Variants in CNTLN observed in about 807,000 individuals in gnomAD.
The protein encoded by CNTLN is centlein, centrosomal protein.
Under a neutral mutation model 180.0 loss-of-function variants are expected in CNTLN, and 212 were observed. The ratio of observed to expected loss-of-function variants is 1.18; its 90% CI spans 1.05 to 1.32. The LOEUF is 1.32. CNTLN is among the 40% of genes most tolerant of loss of function. CNTLN has a pLI of 0.00. For missense variants in CNTLN, 2,095 were observed against 1,610.9 expected (o/e 1.30, Z -5.14); for synonymous variants, 722 against 563.1 (o/e 1.28, Z -3.99).
chr9:17,315,113 C>T (rs1819454742), intron 8 of CNTLN, among the ~76,000 whole-genome samples: 1 of 152,122 alleles, frequency 6.6e-6, no homozygotes, highest in Admixed American at 6.5e-5. Context: ...GTATTTCCCA[C>T]TAGGATCTTT....
At chr9:17,422,277 A>T (rs1828776176) in intron 18 of CNTLN, among the ~76,000 whole-genome samples, 2 of 151,424 alleles carry the variant, frequency 1.3e-5, no homozygotes, top group Admixed American at 1.3e-4. Flanking sequence ...TTTATACGTT[A>T]TTTATTTTCT....
intron 2 of CNTLN, among the ~76,000 whole-genome samples, chr9:17,222,039 C>T (rs983865898): frequency 1.3e-5 from 2 of 152,020 alleles, no homozygotes; most frequent in African/African-American, 2.4e-5. Context: ...TCTTTTCTGT[C>T]CTGCATTATC....
chr9:17,284,208 A>G (rs541071366), intron 6 of CNTLN, among the ~76,000 whole-genome samples: 2 of 152,204 alleles, frequency 1.3e-5, no homozygotes, highest in East Asian at 1.9e-4. Flanking sequence ...TTTTGCATCA[A>G]TGTTCAGGGA....
At chr9:17,470,555 A>G (rs1011857622) in intron 23 of CNTLN, among the ~76,000 whole-genome samples, 3 of 151,868 alleles carry the variant, frequency 2.0e-5, no homozygotes, top group African/African-American at 7.2e-5. Flanking sequence ...AGTCTTGAAT[A>G]TGGAATTTGG....
chr9:17,431,597 C>T (rs1325076427), intron 18 of CNTLN, among the ~76,000 whole-genome samples: 1 of 152,024 alleles, frequency 6.6e-6, no homozygotes, highest in Non-Finnish European at 1.5e-5. Context: ...TGAGATCTTA[C>T]TCAAAAAATA....
In CNTLN at chr9:17,182,119, A is replaced by G. The variant is rs939401817; in HGVS notation, c.449+38743A>G. On this transcript the variant is annotated intron_variant, in intron 2 of 25. Coordinates refer to ENST00000380647, the MANE Select transcript of CNTLN (RefSeq NM_017738.4). Reference sequence around the variant, plus strand: ...TATAGACTTGCAAAGATTGAAGTCTAGGCTCCTCTCGTGGCCTTTGCTAGC... The same window carrying G: ...TATAGACTTGCAAAGATTGAAGTCTGGGCTCCTCTCGTGGCCTTTGCTAGC... Among the ~76,000 whole-genome samples, 50 of 152,000 alleles carry G rather than the reference A, an allele frequency of 3.3e-4. 1 individual carries two copies. The highest frequency in any genetic ancestry group is 3.4e-4 in the Non-Finnish European group (23 of 67,988).
chr9:17,214,600 C>G (rs543579141), intron 2 of CNTLN, among the ~76,000 whole-genome samples: 3 of 152,156 alleles, frequency 2.0e-5, no homozygotes, highest in African/African-American at 7.2e-5. Context: ...GAATGTTGGC[C>G]TGCCTCACTA....
intron 2 of CNTLN, among the ~76,000 whole-genome samples, chr9:17,190,339 T>G (rs1821718450): frequency 6.6e-6 from 1 of 151,952 alleles, no homozygotes; most frequent in Non-Finnish European, 1.5e-5. Flanking sequence ...AGAAGTTAAT[T>G]CAGCTTTGTA....
At chr9:17,425,226 C>G (rs1828997916) in intron 18 of CNTLN, among the ~76,000 whole-genome samples, 2 of 152,240 alleles carry the variant, frequency 1.3e-5, no homozygotes, top group Non-Finnish European at 2.9e-5. Context: ...GAAACCCTAA[C>G]TCCTGGTTTG....
At chr9:17,296,115 G>A (rs965070061) in intron 6 of CNTLN, among the ~76,000 whole-genome samples, 4 of 151,324 alleles carry the variant, frequency 2.6e-5, no homozygotes, top group Non-Finnish European at 5.9e-5. Context: ...TGATTCCTCT[G>A]CCTCAGCCTC....
chr9:17,464,624 G>T lies in CNTLN; in HGVS notation c.3531+1G>T, dbSNP rs199965039. The T allele has an allele frequency of 7.0e-6, 10 of 1,435,100 alleles. No homozygotes were observed. Among genetic ancestry groups the T allele is most frequent in the East Asian group, 2.6e-5 (1 of 38,222 alleles). 88.9% of individuals were successfully genotyped at this position (1,435,100 alleles called of 1,614,324 possible). ...AATGTTACAAAATCTTGATAAAAAG[G>T]TATCAATTTTTATCTTTACTGACAC... On this transcript the variant is annotated splice_donor_variant, in intron 21 of 25. Transcript: ENST00000380647. LOFTEE classifies it high-confidence loss of function.
rs35444065 is a variant in CNTLN, at chr9:17,353,598, GTT to G, written c.1886+11168_1886+11169del. 2.5e-3 allele frequency among the ~76,000 whole-genome samples: 350 copies of G among 140,100 alleles called. 2 individuals are homozygous for G. The highest frequency in any genetic ancestry group is 6.6e-3 in the African/African-American group (252 of 38,036). The allele number at this position is 140,100 out of a possible 152,430, so 91.9% of individuals were successfully genotyped here. ...TTTTTATTGTAATAGTTTTGTTTTC[GTT>G]TTTTTTTTTTTTTAACTGAGACGGG... On this transcript the variant is annotated intron_variant, in intron 12 of 25. Coordinates refer to ENST00000380647, the MANE Select transcript of CNTLN (RefSeq NM_017738.4).
intron 18 of CNTLN, among the ~76,000 whole-genome samples, chr9:17,423,394 G>T (rs1314908306): frequency 6.6e-6 from 1 of 152,078 alleles, no homozygotes; most frequent in Non-Finnish European, 1.5e-5. Flanking sequence ...AGATCTGCTT[G>T]GTGATTTATT....
At chr9:17,261,314 A>AT (rs1826958782) in intron 5 of CNTLN, among the ~76,000 whole-genome samples, 1 of 151,168 alleles carries the variant, frequency 6.6e-6, no homozygotes, top group Non-Finnish European at 1.5e-5. Flanking sequence ...AGCATGGCAT[A>AT]TTTTTCAATT....
At chr9:17,390,529 C>T (rs1826036764) in intron 14 of CNTLN, among the ~76,000 whole-genome samples, 1 of 152,092 alleles carries the variant, frequency 6.6e-6, no homozygotes, top group Admixed American at 6.6e-5. Context: ...CAGGCATGAG[C>T]CACTGCACCC....
At chr9:17,309,848 TA>T (rs1370336326) in intron 8 of CNTLN, among the ~76,000 whole-genome samples, 2 of 152,072 alleles carry the variant, frequency 1.3e-5, no homozygotes, top group African/African-American at 4.8e-5. Flanking sequence ...TAAACATCTT[TA>T]AAAAAATCTC....
intron 2 of CNTLN, among the ~76,000 whole-genome samples, chr9:17,192,190 C>T (rs1442343487): frequency 2.0e-5 from 3 of 151,418 alleles, no homozygotes; most frequent in Admixed American, 2.0e-4. Context: ...TTAGTGCTTT[C>T]CATATATTGA....
At chr9:17,159,380 T>C (rs1819519740) in intron 2 of CNTLN, among the ~76,000 whole-genome samples, 1 of 152,178 alleles carries the variant, frequency 6.6e-6, no homozygotes, top group South Asian at 2.1e-4. Flanking sequence ...ATTATGCTTC[T>C]CTTTGAGTGA....
chr9:17,438,423 A>G (rs1829908495), intron 18 of CNTLN, among the ~76,000 whole-genome samples: 1 of 152,204 alleles, frequency 6.6e-6, no homozygotes, highest in African/African-American at 2.4e-5. Flanking sequence ...AAGAAAAAAG[A>G]GGTATTTAAG....
Sources: allele counts gnomAD v4.1 joint callset (sites outside exome capture counted in the v4.1 genomes callset), GRCh38; gene constraint gnomAD v4.1.1; transcripts MANE v1.5; gene names NCBI Gene and HGNC (gene_info 2026-07-23, HGNC 2026-07-21).